Variants in NUMB observed in about 807,000 individuals in gnomAD.
NUMB encodes NUMB endocytic adaptor protein.
Under a neutral mutation model 59.7 loss-of-function variants are expected in NUMB, and 29 were observed. The observed-to-expected ratio is 0.49, with a 90% CI of 0.36 to 0.66. The LOEUF (loss-of-function observed/expected upper bound fraction) is 0.66. Ranked by LOEUF, NUMB falls within the 30% of genes least tolerant of loss-of-function variation. NUMB has a pLI of 0.00. For missense variants in NUMB, 723 were observed against 822.0 expected, an observed-to-expected ratio of 0.88 and a Z score of 1.47; for synonymous variants, 288 against 288.2, an observed-to-expected ratio of 1.00 and a Z score of 0.01.
intron 1 of NUMB, among the ~76,000 whole-genome samples, chr14:73,435,271 C>CT (rs11295491): frequency 0.024 from 2,695 of 112,860 alleles, 77 homozygotes; most frequent in Non-Finnish European, 0.029. Flanking sequence ...TTGGCAATTA[C>CT]TTTTTTTTTT....
rs770743201 is a variant in NUMB at position 73,276,670 on chromosome 14, C to T, written c.1864G>A (p.Ala622Thr). 4 of 1,614,078 alleles carry T rather than the reference C, an allele frequency of 2.5e-6. No homozygotes were observed. In the East Asian group the frequency reaches 6.7e-5, roughly 27 times the overall value. Reference protein sequence around the residue: ...PVDPFEAQWAALENKSKQRTN... With the variant: ...PVDPFEAQWATLENKSKQRTN... ...CGCTGCTTGGACTTATTTTCTAATG[C>T]AGCCCACTGGGCTTCAAAAGGATCC... is the stretch of plus-strand genomic sequence containing the variant. Residue 622 changes from alanine to threonine, a missense_variant, in exon 13 of 13, where the codon GCA (alanine) becomes ACA (threonine). Transcript: ENST00000555238.
chr14:73,451,937 A>G, intron 1 of NUMB, among the ~76,000 whole-genome samples: 1 of 152,188 alleles, frequency 6.6e-6, no homozygotes, highest in East Asian at 1.9e-4. Flanking sequence ...TACTCAGGTA[A>G]TTGAAGACTT....
chr14:73,302,002 G>A (rs574500197), intron 6 of NUMB, among the ~76,000 whole-genome samples: 226 of 152,230 alleles, frequency 1.5e-3, no homozygotes, highest in African/African-American at 5.2e-3. Context: ...AGAATTGCTT[G>A]AACCTGGGAG....
chr14:73,411,690 T>C (rs1249555161), intron 1 of NUMB, among the ~76,000 whole-genome samples: 1 of 152,032 alleles, frequency 6.6e-6, no homozygotes, highest in African/African-American at 2.4e-5. Context: ...TTAGAAAAAA[T>C]AACGGAATAA....
intron 1 of NUMB, among the ~76,000 whole-genome samples, chr14:73,446,036 G>A (rs922539006): frequency 2.1e-5 from 3 of 144,670 alleles, no homozygotes; most frequent in East Asian, 4.0e-4. Context: ...CTGCTCTGTC[G>A]CCCAGGCTCG....
At chr14:73,392,910 G>A (rs1181658601) in intron 2 of NUMB, among the ~76,000 whole-genome samples, 4 of 152,004 alleles carry the variant, frequency 2.6e-5, no homozygotes, top group Admixed American at 2.0e-4. Context: ...TTCTGGGCGG[G>A]GGGAGTTCTA....
At chr14:73,389,098 TAA>T (rs71112747) in intron 2 of NUMB, among the ~76,000 whole-genome samples, 1,360 of 95,758 alleles carry the variant, frequency 0.014, 14 homozygotes, top group African/African-American at 0.03. Flanking sequence ...GACTCTGCCT[TAA>T]AAAAAAAAAA....
chr14:73,431,414 CCTGA>C (rs1487050934), intron 1 of NUMB, among the ~76,000 whole-genome samples: 1 of 151,222 alleles, frequency 6.6e-6, no homozygotes, highest in Non-Finnish European at 1.5e-5. Context: ...TGCCACCATA[CCTGA>C]CTAATTTTTG....
intron 1 of NUMB, among the ~76,000 whole-genome samples, chr14:73,416,393 G>A (rs961471439): frequency 2.0e-5 from 3 of 151,280 alleles, no homozygotes; most frequent in Non-Finnish European, 2.9e-5. Flanking sequence ...GGTTGTGGGG[G>A]CGCACTCCTA....
In NUMB at chr14:73,355,787, A is replaced by G. The variant is rs748217187; in HGVS notation, c.-15-21T>C. ...ACAGCCTGAAGACAGAGGAAAAAAA[A>G]TATTTAAAAGAAATATTACCTTCTT... On this transcript the variant is annotated intron_variant, in intron 3 of 12. Coordinates refer to ENST00000555238, the MANE Select transcript of NUMB (RefSeq NM_001005743.2). The G allele has an allele frequency of 2.6e-6, 4 of 1,566,584 alleles. No individual in the cohort carries two copies. In the East Asian group the frequency reaches 6.7e-5, roughly 26 times the overall value.
rs138838593 is a variant in NUMB at position 73,347,882 on chromosome 14, C to T, written c.126+7744G>A. On this transcript the variant is annotated intron_variant, in intron 4 of 12. Transcript: ENST00000555238. ...AACTTTAATTTATGTACGGTCAGTCCGCATCATTCAAGGATTTGGCATCTG... is the reference window on the plus strand; with the variant it reads ...AACTTTAATTTATGTACGGTCAGTCTGCATCATTCAAGGATTTGGCATCTG... 2.4e-3 allele frequency among the ~76,000 whole-genome samples: 363 copies of T among 152,238 alleles called. 1 individual carries two copies. Among genetic ancestry groups the T allele is most frequent in the African/African-American group, 8.3e-3 (344 of 41,532 alleles).
chr14:73,453,413 T>C (rs1291149122), intron 1 of NUMB, among the ~76,000 whole-genome samples: 1 of 152,168 alleles, frequency 6.6e-6, no homozygotes. Flanking sequence ...ATTACAGGCA[T>C]GAGCCACCAC....
At chr14:73,394,212 G>A (rs530956614) in intron 2 of NUMB, among the ~76,000 whole-genome samples, 1 of 152,168 alleles carries the variant, frequency 6.6e-6, no homozygotes, top group East Asian at 1.9e-4. Flanking sequence ...ACCTCGTGCT[G>A]GGATTACAGG....
chr14:73,321,062 C>A (rs72734499), intron 5 of NUMB, among the ~76,000 whole-genome samples: 23,670 of 149,570 alleles, frequency 0.16, 2,655 homozygotes, highest in Non-Finnish European at 0.23. Flanking sequence ...AAAAGTATTT[C>A]AAAAAAAAAC....
intron 4 of NUMB, among the ~76,000 whole-genome samples, chr14:73,324,478 A>T (rs1891562834): frequency 6.6e-6 from 1 of 152,142 alleles, no homozygotes; most frequent in African/African-American, 2.4e-5. Context: ...CTGAATGTTC[A>T]AAGGGTAGAG....
At chr14:73,453,582 A>G (rs1255579655) in intron 1 of NUMB, among the ~76,000 whole-genome samples, 1 of 151,772 alleles carries the variant, frequency 6.6e-6, no homozygotes, top group East Asian at 1.9e-4. Flanking sequence ...AAAATTTATA[A>G]TATGTTACAT....
chr14:73,398,595 T>C (rs1319758975), intron 2 of NUMB, among the ~76,000 whole-genome samples: 2 of 151,796 alleles, frequency 1.3e-5, no homozygotes, highest in African/African-American at 4.8e-5. Flanking sequence ...TTTTTTTTTT[T>C]AGTCACCAAG....
chr14:73,411,004 A>T (rs1896870011), intron 1 of NUMB, among the ~76,000 whole-genome samples: 1 of 152,212 alleles, frequency 6.6e-6, no homozygotes, highest in South Asian at 2.1e-4. Context: ...GAATCTTATA[A>T]TATATGGGAG....
At chr14:73,319,055 C>T (rs1891246705) in intron 5 of NUMB, among the ~76,000 whole-genome samples, 2 of 152,128 alleles carry the variant, frequency 1.3e-5, no homozygotes, top group African/African-American at 4.8e-5. Flanking sequence ...TGGTGGATCA[C>T]CTAAGGTCAG....
Sources: allele counts gnomAD v4.1 joint callset (sites outside exome capture counted in the v4.1 genomes callset), GRCh38; gene constraint gnomAD v4.1.1; transcripts MANE v1.5; gene names NCBI Gene and HGNC (gene_info 2026-07-23, HGNC 2026-07-21).